The following PKHD1 variants were observed in gnomAD, a reference collection of about 807,000 sequenced individuals.
The protein encoded by PKHD1 is fibrocystin.
PKHD1 carries 291 observed loss-of-function variants against 412.0 expected under a neutral mutation model. The observed-to-expected ratio is 0.71, with a 90% CI of 0.64 to 0.78. The LOEUF (loss-of-function observed/expected upper bound fraction) is 0.78. Among genes scored for constraint, PKHD1 ranks in the 30% least tolerant of loss-of-function variants. PKHD1 has a pLI of 0.00. For missense variants in PKHD1, 4,825 were observed against 4,950.7 expected (o/e 0.97, Z 0.76); for synonymous variants, 1,777 against 1,821.5 (o/e 0.98, Z 0.62).
At chr6:51,844,461 G>A (rs1175356895) in intron 50 of PKHD1, among the ~76,000 whole-genome samples, 1 of 152,124 alleles carries the variant, frequency 6.6e-6, no homozygotes, top group Non-Finnish European at 1.5e-5. Flanking sequence ...CCTTGAGAAG[G>A]GTTCTCCCAC....
At position 51,855,774 on chromosome 6, in the gene PKHD1, A is replaced by G. The variant is rs1773190514; in HGVS notation, c.7911+119T>C. 6 of 833,272 alleles carry G rather than the reference A, an allele frequency of 7.2e-6. No homozygotes were observed. In the Admixed American group the frequency reaches 1.1e-4, roughly 15 times the overall value. 51.6% of individuals were successfully genotyped at this position (833,272 alleles called of 1,614,324 possible). On this transcript the variant is annotated intron_variant, in intron 49 of 66. Transcript: ENST00000371117. ...TGAAGTTTTCTTTATCTGCATCAGAATATGCCAAGACTTTCAATAACGAGA... is the reference window on the plus strand; with the variant it reads ...TGAAGTTTTCTTTATCTGCATCAGAGTATGCCAAGACTTTCAATAACGAGA...
chr6:51,734,565 G>A (rs974988423), intron 60 of PKHD1, among the ~76,000 whole-genome samples: 3 of 152,120 alleles, frequency 2.0e-5, no homozygotes, highest in Admixed American at 6.5e-5. Context: ...AATGATGGCG[G>A]TAACCCACGA....
At chr6:51,739,978 A>C (rs150129043) in intron 60 of PKHD1, 156 of 518,932 alleles carry the variant, frequency 3.0e-4, no homozygotes, top group Non-Finnish European at 4.3e-4. Context: ...GTATCTGCCT[A>C]ATTCTACCTG....
chr6:51,900,166 C>G (rs1458855315), intron 43 of PKHD1, among the ~76,000 whole-genome samples: 1 of 152,178 alleles, frequency 6.6e-6, no homozygotes, highest in Non-Finnish European at 1.5e-5. Flanking sequence ...GGAAAAAAAA[C>G]TACTTTAAAG....
At chr6:52,008,910 C>T (rs1289464811) in intron 35 of PKHD1, among the ~76,000 whole-genome samples, 1 of 152,160 alleles carries the variant, frequency 6.6e-6, no homozygotes, top group Non-Finnish European at 1.5e-5. Context: ...CTCCCTCTTT[C>T]ACAAGCATTT....
At chr6:51,771,740 A>C (rs1050046356) in intron 55 of PKHD1, among the ~76,000 whole-genome samples, 1 of 152,024 alleles carries the variant, frequency 6.6e-6, no homozygotes, top group African/African-American at 2.4e-5. Context: ...CCAAATTTTA[A>C]GTTTAGTTTA....
At chr6:51,836,733 A>G (rs1189370634) in intron 50 of PKHD1, among the ~76,000 whole-genome samples, 1 of 152,120 alleles carries the variant, frequency 6.6e-6, no homozygotes, top group Non-Finnish European at 1.5e-5. Context: ...CAGAAACGAA[A>G]CCTTTAGCCA....
chr6:51,648,081 G>T lies in PKHD1; in HGVS notation c.11348C>A (p.Pro3783Gln). 2 of 1,609,114 alleles carry T rather than the reference G, an allele frequency of 1.2e-6. No individual in the cohort carries two copies. The highest frequency in any genetic ancestry group is 8.5e-7 in the Non-Finnish European group (1 of 1,175,412). Residue 3783 changes from proline to glutamine, a missense_variant, in exon 63 of 67, where the codon CCA (proline) becomes CAA (glutamine). Coordinates refer to ENST00000371117, the MANE Select transcript of PKHD1 (RefSeq NM_138694.4). ...TTCCAGGGAAGCTGAAATTGTCCAT[G>T]GCTCTGAAGGAGGTCCCAGGGACTC... is the stretch of plus-strand genomic sequence containing the variant. ...RVESLGPPSEPWTISASLEGA... is the reference protein window; with the variant it reads ...RVESLGPPSEQWTISASLEGA...
At chr6:51,899,471 T>C (rs1780821094) in intron 43 of PKHD1, among the ~76,000 whole-genome samples, 1 of 152,020 alleles carries the variant, frequency 6.6e-6, no homozygotes, top group South Asian at 2.1e-4. Flanking sequence ...CAACAACCCT[T>C]CATGCTAAAA....
At chr6:51,688,832 T>C (rs1777785023) in intron 60 of PKHD1, among the ~76,000 whole-genome samples, 2 of 151,926 alleles carry the variant, frequency 1.3e-5, no homozygotes. Context: ...GACCAATAAC[T>C]ACCTTGAAAT....
Position 51,790,591 on chromosome 6 carries a change from C to T in PKHD1, c.8440+645G>A, listed in dbSNP as rs146214697. Among the ~76,000 whole-genome samples the T allele has an allele frequency of 1.6e-3, 237 of 152,306 alleles. 5 individuals carry two copies. The East Asian group carries it at 0.043, about 27-fold the overall frequency. ...GATGCTTGCCTTCTCCTCACTACCT[C>T]TTCCATATTGTCCCAAGATATGGTG... is the stretch of plus-strand genomic sequence containing the variant. On this transcript the variant is annotated intron_variant, in intron 53 of 66. Coordinates refer to ENST00000371117, the MANE Select transcript of PKHD1 (RefSeq NM_138694.4).
chr6:51,854,210 G>A (rs547012302), intron 49 of PKHD1, among the ~76,000 whole-genome samples: 1 of 152,038 alleles, frequency 6.6e-6, no homozygotes, highest in East Asian at 1.9e-4. Context: ...GCAGTTTGCT[G>A]GGGGTTCACT....
At chr6:51,963,653 T>TC (rs1792390961) in intron 35 of PKHD1, among the ~76,000 whole-genome samples, 1 of 151,990 alleles carries the variant, frequency 6.6e-6, no homozygotes, top group Non-Finnish European at 1.5e-5. Flanking sequence ...AGGGAAATGC[T>TC]CCATGAAACA....
chr6:51,673,422 G>A (rs1452311910), intron 60 of PKHD1, among the ~76,000 whole-genome samples: 1 of 152,158 alleles, frequency 6.6e-6, no homozygotes, highest in East Asian at 1.9e-4. Context: ...CTACTTTTCT[G>A]TGTGCCTTTG....
intron 64 of PKHD1, among the ~76,000 whole-genome samples, chr6:51,633,452 G>A (rs555625255): frequency 6.6e-6 from 1 of 152,040 alleles, no homozygotes; most frequent in East Asian, 1.9e-4. Context: ...CAAAACCCAG[G>A]AACAACCCAA....
intron 36 of PKHD1, among the ~76,000 whole-genome samples, chr6:51,959,029 C>T (rs9370088): frequency 0.35 from 53,715 of 151,974 alleles, 10,579 homozygotes; most frequent in East Asian, 0.76. Context: ...TATTAAAATT[C>T]CATTAGTTTA....
intron 52 of PKHD1, among the ~76,000 whole-genome samples, chr6:51,825,253 C>CTAATTCT (rs1767119529): frequency 6.6e-6 from 1 of 152,156 alleles, no homozygotes; most frequent in Admixed American, 6.6e-5. Flanking sequence ...GAGGTGGAAC[C>CTAATTCT]TAATTCTTCT....
intron 5 of PKHD1, among the ~76,000 whole-genome samples, chr6:52,077,158 T>C (rs144011041): frequency 1.3e-5 from 2 of 152,240 alleles, no homozygotes; most frequent in Non-Finnish European, 2.9e-5. Context: ...TTTTTGTGAA[T>C]GAAAAGAGTC....
intron 52 of PKHD1, among the ~76,000 whole-genome samples, chr6:51,825,633 T>C (rs1410038473): frequency 6.6e-6 from 1 of 152,060 alleles, no homozygotes; most frequent in Non-Finnish European, 1.5e-5. Flanking sequence ...CTAACTATAA[T>C]GCATGGAAGA....
Sources: gnomAD v4.1 joint callset for allele counts (sites outside exome capture counted in the v4.1 genomes callset) on GRCh38, gnomAD v4.1.1 for gene constraint, MANE v1.5 for transcripts, NCBI Gene and HGNC (gene_info 2026-07-23, HGNC 2026-07-21) for gene names.